Variants in GPATCH2L observed in about 807,000 individuals in gnomAD.
The protein encoded by GPATCH2L is G patch domain-containing protein 2-like.
A neutral mutation model predicts 57.4 loss-of-function variants in GPATCH2L; 31 were observed. That is an observed-to-expected ratio of 0.54 (90% CI 0.41 to 0.73). GPATCH2L has a LOEUF of 0.73. GPATCH2L is among the 30% of genes least tolerant of loss of function. The pLI, the probability that GPATCH2L is intolerant of heterozygous loss-of-function variation, is 0.00. For missense variants in GPATCH2L, 481 were observed against 599.9 expected, an observed-to-expected ratio of 0.80 and a Z score of 2.07; for synonymous variants, 199 against 210.7, an observed-to-expected ratio of 0.94 and a Z score of 0.48.
rs995161203 is a variant in GPATCH2L, at chr14:76,162,403, C to G, written c.663-4260C>G. Among the ~76,000 whole-genome samples the G allele has an allele frequency of 6.2e-4, 94 of 152,148 alleles. 1 individual carries two copies. Among genetic ancestry groups the G allele is most frequent in the African/African-American group, 2.1e-3 (89 of 41,426 alleles). On this transcript the variant is annotated intron_variant, in intron 2 of 9. Transcript: ENST00000261530. ...TCAGAAAGAGGGCCCAAGATGAAAG[C>G]CACAGTCTCGTATAACCTAATTGCA...
chr14:76,186,251 TAAA>T (rs543849957), intron 8 of GPATCH2L, among the ~76,000 whole-genome samples: 2 of 150,544 alleles, frequency 1.3e-5, no homozygotes, highest in Non-Finnish European at 3.0e-5. Context: ...GAGTTGGGGT[TAAA>T]AAAAAAGAGA....
At position 76,177,940 on chromosome 14, in the gene GPATCH2L, A is replaced by G. The variant is rs369391191; in HGVS notation, c.1053-48A>G. On this transcript the variant is annotated intron_variant, in intron 6 of 9. Transcript: ENST00000261530. ...AAAGAGAACGAAATCAGGTAAGATC[A>G]TTTTTCTTTGTCATCTTTATTTTAT... 1.2e-4 allele frequency: 191 copies of G among 1,601,582 alleles called. No homozygotes were observed. The African/African-American group carries it at 2.4e-3, about 20-fold the overall frequency.
rs1469682227 is a variant in GPATCH2L at position 76,208,698 on chromosome 14, A to T, written c.*6847A>T. 1 of 152,600 alleles carries T rather than the reference A, an allele frequency of 6.6e-6. No homozygotes were observed. Among genetic ancestry groups the T allele is most frequent in the African/African-American group, 2.4e-5 (1 of 41,436 alleles). 9.5% of individuals were successfully genotyped at this position (152,600 alleles called of 1,614,324 possible). Reference sequence around the variant, plus strand: ...AGCTACAGCCTCACACTCCTGGCACATACAGCTTTGCATTTAAACATGTTC... The same window carrying T: ...AGCTACAGCCTCACACTCCTGGCACTTACAGCTTTGCATTTAAACATGTTC... On this transcript the variant is annotated 3_prime_UTR_variant, in exon 10 of 10. Coordinates refer to ENST00000261530, the MANE Select transcript of GPATCH2L (RefSeq NM_017926.4).
Position 76,154,142 on chromosome 14 carries a change from C to T in GPATCH2L, c.-10-212C>T, listed in dbSNP as rs1450999452. 4.3e-6 allele frequency: 2 copies of T among 460,652 alleles called. No individual in the cohort carries two copies. Among genetic ancestry groups the T allele is most frequent in the African/African-American group, 2.0e-5 (1 of 50,152 alleles). 28.5% of individuals were successfully genotyped at this position (460,652 alleles called of 1,614,324 possible). A position where few individuals can be genotyped will look rare whatever the true frequency, so the allele number is the denominator to read the frequency against. On this transcript the variant is annotated intron_variant, in intron 1 of 9. Coordinates refer to ENST00000261530, the MANE Select transcript of GPATCH2L (RefSeq NM_017926.4). The surrounding 1 kb of genome is among the most constrained non-coding windows in gnomAD (Gnocchi z 4.4). ...TTGACTTCAGGCATTTAACAAGGGA[C>T]AAAACATCTATTTTTAGTGACTTAA...
chr14:76,190,299 C>T (rs560115434), intron 8 of GPATCH2L, among the ~76,000 whole-genome samples: 2 of 152,052 alleles, frequency 1.3e-5, no homozygotes, highest in Non-Finnish European at 2.9e-5. Context: ...TTAATTTCAG[C>T]ATTCACCTTC....
chr14:76,164,337 T>C (rs1296636722), intron 2 of GPATCH2L, among the ~76,000 whole-genome samples: 1 of 152,234 alleles, frequency 6.6e-6, no homozygotes, highest in African/African-American at 2.4e-5. Flanking sequence ...TGCAGGATGC[T>C]GAGCAGCATC....
chr14:76,172,867 G>A (rs2039149594), intron 4 of GPATCH2L, among the ~76,000 whole-genome samples: 2 of 152,172 alleles, frequency 1.3e-5, no homozygotes, highest in South Asian at 2.1e-4. Context: ...TTGTCATGGC[G>A]AACCAGCAGT....
At position 76,209,763 on chromosome 14, in the gene GPATCH2L, G is replaced by T. The variant is rs2040419475; in HGVS notation, c.*7912G>T. The stretch of plus-strand genomic sequence containing the variant: ...GCCCTATGAATACAGTGAAACTTGG[G>T]GTTCCACTTTCATCAGATGTGACCC... On this transcript the variant is annotated 3_prime_UTR_variant, in exon 10 of 10. Transcript: ENST00000261530. The T allele has an allele frequency of 6.6e-6, 1 of 152,106 alleles. No individual in the cohort carries two copies. The highest frequency in any genetic ancestry group is 1.5e-5 in the Non-Finnish European group (1 of 68,034). The allele number at this position is 152,106 out of a possible 1,614,324, so 9.4% of individuals were successfully genotyped here. A position where few individuals can be genotyped will look rare whatever the true frequency, so the allele number is the denominator to read the frequency against.
intron 8 of GPATCH2L, among the ~76,000 whole-genome samples, chr14:76,182,417 C>CA (rs1326617675): frequency 2.7e-4 from 20 of 74,824 alleles, no homozygotes; most frequent in East Asian, 1.4e-3. Flanking sequence ...CTTGTTTCTA[C>CA]AAAATTTTTT....
intron 8 of GPATCH2L, among the ~76,000 whole-genome samples, chr14:76,195,214 A>G (rs2040109452): frequency 1.3e-5 from 2 of 152,206 alleles, no homozygotes; most frequent in South Asian, 2.1e-4. Context: ...TTCTTGGGGA[A>G]CAGTGGTGAA....
At position 76,209,235 on chromosome 14, in the gene GPATCH2L, T is replaced by G. The variant is rs2040413504; in HGVS notation, c.*7384T>G. 6.6e-6 allele frequency: 1 copy of G among 152,262 alleles called. No individual in the cohort carries two copies. The highest frequency in any genetic ancestry group is 2.4e-5 in the African/African-American group (1 of 41,454). 9.4% of individuals were successfully genotyped at this position (152,262 alleles called of 1,614,324 possible). ...GTAGGTCAGTCTAGCACAGACTGGATGCCGGTCTCTGCCGCCACCTCCGTT... is the reference window on the plus strand; with the variant it reads ...GTAGGTCAGTCTAGCACAGACTGGAGGCCGGTCTCTGCCGCCACCTCCGTT... On this transcript the variant is annotated 3_prime_UTR_variant, in exon 10 of 10. Transcript: ENST00000261530.
chr14:76,179,248 A>G (rs373353672), intron 7 of GPATCH2L: 1 of 152,228 alleles, frequency 6.6e-6, no homozygotes, highest in Admixed American at 6.5e-5. Flanking sequence ...GTTATGTATT[A>G]TAGTGTACAT....
In GPATCH2L at chr14:76,208,909, C is replaced by G. The variant is rs1173868613; in HGVS notation, c.*7058C>G. ...AAAAGTCCTAATTCCTGGACTGGAC[C>G]ACAGACCAGTTAAATCAGCATGGGG... On this transcript the variant is annotated 3_prime_UTR_variant, in exon 10 of 10. Coordinates refer to ENST00000261530, the MANE Select transcript of GPATCH2L (RefSeq NM_017926.4). 1 of 152,144 alleles carries G rather than the reference C, an allele frequency of 6.6e-6. No individual in the cohort carries two copies. The highest frequency in any genetic ancestry group is 1.5e-5 in the Non-Finnish European group (1 of 68,046). The allele number at this position is 152,144 out of a possible 1,614,324, so 9.4% of individuals were successfully genotyped here.
At chr14:76,234,174 A>C (rs1444322043) in intron 2 of GPATCH2L, among the ~76,000 whole-genome samples, 1 of 152,200 alleles carries the variant, frequency 6.6e-6, no homozygotes, top group Non-Finnish European at 1.5e-5. Flanking sequence ...GGAGATTCAT[A>C]GATATGTCTT....
chr14:76,193,805 G>GTAAA (rs1230823343), intron 8 of GPATCH2L, among the ~76,000 whole-genome samples: 2 of 152,092 alleles, frequency 1.3e-5, no homozygotes, highest in African/African-American at 2.4e-5. Flanking sequence ...TTCCTTTAAT[G>GTAAA]AGCTTCAGAT....
At position 76,202,330 on chromosome 14, in the gene GPATCH2L, G is replaced by A. The variant is rs2040324061; in HGVS notation, c.*479G>A. 6.5e-6 allele frequency: 1 copy of A among 152,752 alleles called. No homozygotes were observed. The highest frequency in any genetic ancestry group is 1.5e-5 in the Non-Finnish European group (1 of 68,174). 9.5% of individuals were successfully genotyped at this position (152,752 alleles called of 1,614,324 possible). A position where few individuals can be genotyped will look rare whatever the true frequency, so the allele number is the denominator to read the frequency against. ...CGCAGGAGATAAGGCTTGCCTTTGA[G>A]CCTACTCTTGATTCATGCAGAGTGC... is the stretch of plus-strand genomic sequence containing the variant. On this transcript the variant is annotated 3_prime_UTR_variant, in exon 10 of 10. Transcript: ENST00000261530.
At chr14:76,178,937 T>C (rs943503428) in intron 7 of GPATCH2L, 2 of 152,270 alleles carry the variant, frequency 1.3e-5, no homozygotes, top group African/African-American at 4.8e-5. Context: ...GTTATCGATA[T>C]GTTTCTTTAT....
Position 76,208,615 on chromosome 14 carries a change from C to G in GPATCH2L, c.*6764C>G, listed in dbSNP as rs564692420. 1 of 153,002 alleles carries G rather than the reference C, an allele frequency of 6.5e-6. No individual in the cohort carries two copies. The highest frequency in any genetic ancestry group is 6.5e-5 in the Admixed American group (1 of 15,276). 9.5% of individuals were successfully genotyped at this position (153,002 alleles called of 1,614,324 possible). On this transcript the variant is annotated 3_prime_UTR_variant, in exon 10 of 10. Coordinates refer to ENST00000261530, the MANE Select transcript of GPATCH2L (RefSeq NM_017926.4). ...CCTTCTTGCCAGTGCCTGTCCTGCC[C>G]AAGACGAACCCCTTTTCCTGTGCCC...
At chr14:76,181,742 C>G (rs772000986) in intron 8 of GPATCH2L, among the ~76,000 whole-genome samples, 2 of 152,158 alleles carry the variant, frequency 1.3e-5, no homozygotes, top group African/African-American at 4.8e-5. Flanking sequence ...GTAGCACCCC[C>G]TACAGGGCTG....
Sources: allele counts gnomAD v4.1 joint callset (sites outside exome capture counted in the v4.1 genomes callset), GRCh38; gene constraint gnomAD v4.1.1; non-coding constraint Gnocchi (gnomAD v3.1); transcripts MANE v1.5; gene names NCBI Gene and HGNC (gene_info 2026-07-23, HGNC 2026-07-21).